The following OTOGL variants were observed in gnomAD, a reference collection of about 807,000 sequenced individuals.
OTOGL encodes otogelin like, also known as otogelin-like protein.
OTOGL carries 285 observed loss-of-function variants against 318.5 expected under a neutral mutation model. The ratio of observed to expected loss-of-function variants is 0.89; its 90% CI spans 0.81 to 0.99. The LOEUF (loss-of-function observed/expected upper bound fraction) is 0.99. Ranked by LOEUF, OTOGL falls within the 50% of genes least tolerant of loss-of-function variation. OTOGL has a pLI of 0.00. For synonymous variants in OTOGL, 987 were observed against 936.5 expected, an observed-to-expected ratio of 1.05 and a Z score of -0.99; for missense variants, 2,899 against 2,845.6, an observed-to-expected ratio of 1.02 and a Z score of -0.43.
intron 52 of OTOGL, among the ~76,000 whole-genome samples, chr12:80,360,276 C>G (rs1382810995): frequency 6.6e-6 from 1 of 151,936 alleles, no homozygotes; most frequent in Non-Finnish European, 1.5e-5. Flanking sequence ...TTTCCCTTTA[C>G]AAGTCTGACC....
chr12:80,117,597 TC>T (rs780901129), intron 1 of OTOGL, among the ~76,000 whole-genome samples: 1 of 152,192 alleles, frequency 6.6e-6, no homozygotes, highest in Non-Finnish European at 1.5e-5. Flanking sequence ...CAGAATAATC[TC>T]CTTAAAGCAT....
intron 1 of OTOGL, among the ~76,000 whole-genome samples, chr12:80,205,376 C>T (rs775938013): frequency 6.6e-5 from 10 of 152,116 alleles, no homozygotes; most frequent in Non-Finnish European, 1.0e-4. Flanking sequence ...AAACAAATGT[C>T]GCTATAAAAC....
At chr12:80,205,870 A>G (rs1028997335) in intron 1 of OTOGL, among the ~76,000 whole-genome samples, 2 of 152,194 alleles carry the variant, frequency 1.3e-5, no homozygotes, top group African/African-American at 2.4e-5. Context: ...CAAATATCCC[A>G]TTATTATCAT....
intron 1 of OTOGL, among the ~76,000 whole-genome samples, chr12:80,102,048 T>TTAA (rs1869170757): frequency 6.6e-6 from 1 of 152,200 alleles, no homozygotes; most frequent in Non-Finnish European, 1.5e-5. Context: ...CAGGCTTCTA[T>TTAA]TAATTCCAGA....
At position 80,143,980 on chromosome 12, in the gene OTOGL, G is replaced by C. The variant is rs146741563; in HGVS notation, c.-20+44375G>C. Reference sequence around the variant, plus strand: ...ACTCAGAAAATAACTTATTTGGCCAGAGAGATATATGTATATTCTTCTATG... The same window carrying C: ...ACTCAGAAAATAACTTATTTGGCCACAGAGATATATGTATATTCTTCTATG... On this transcript the variant is annotated intron_variant, in intron 1 of 58. Transcript: ENST00000547103. Among the ~76,000 whole-genome samples, 29 of 151,890 alleles carry C rather than the reference G, an allele frequency of 1.9e-4. No homozygotes were observed. The East Asian group carries it at 3.9e-3, about 20-fold the overall frequency.
chr12:80,358,346 T>C lies in OTOGL; in HGVS notation c.6118T>C (p.Cys2040Arg). 6.3e-7 allele frequency: 1 copy of C among 1,579,072 alleles called. No homozygotes were observed. Among genetic ancestry groups the C allele is most frequent in the Non-Finnish European group, 8.7e-7 (1 of 1,151,688 alleles). Residue 2040 changes from cysteine (C) to arginine (R), a missense_variant, in exon 50 of 59, where the codon TGT becomes CGT. Transcript: ENST00000547103. ...ACACTTCTGTTGTCCTCAGTATTAC[T>C]GTGGTAAGTGTATATTAACTATTCT... is the stretch of plus-strand genomic sequence containing the variant. ...STHFCCPQYYCVCEPNLCPMP... is the reference protein window; with the variant it reads ...STHFCCPQYYRVCEPNLCPMP...
intron 1 of OTOGL, among the ~76,000 whole-genome samples, chr12:80,121,917 A>G (rs1870510104): frequency 6.6e-6 from 1 of 152,210 alleles, no homozygotes. Flanking sequence ...AAATGCACAG[A>G]GAAATGCACA....
At chr12:80,331,240 A>G (rs886988539) in intron 37 of OTOGL, among the ~76,000 whole-genome samples, 2 of 151,914 alleles carry the variant, frequency 1.3e-5, no homozygotes, top group Admixed American at 1.3e-4. Flanking sequence ...CAGTTTGGCC[A>G]TTGTAAATCC....
chr12:80,103,598 A>C (rs546325639), intron 1 of OTOGL, among the ~76,000 whole-genome samples: 1 of 152,350 alleles, frequency 6.6e-6, no homozygotes, highest in South Asian at 2.1e-4. Flanking sequence ...ATAATTAGTT[A>C]TGTTGTGTGT....
intron 1 of OTOGL, among the ~76,000 whole-genome samples, chr12:80,164,471 A>C (rs1592509881): frequency 6.6e-6 from 1 of 152,024 alleles, no homozygotes; most frequent in Non-Finnish European, 1.5e-5. Context: ...CAGTTATTGT[A>C]GTTTGTGTTT....
rs899002704 is a variant in OTOGL at position 80,378,494 on chromosome 12, A to G, written c.*446A>G. 6.3e-6 allele frequency: 1 copy of G among 157,656 alleles called. No individual in the cohort carries two copies. The highest frequency in any genetic ancestry group is 2.4e-5 in the African/African-American group (1 of 41,490). The allele number at this position is 157,656 out of a possible 1,614,324, so 9.8% of individuals were successfully genotyped here. A position where few individuals can be genotyped will look rare whatever the true frequency, so the allele number is the denominator to read the frequency against. On this transcript the variant is annotated 3_prime_UTR_variant, in exon 59 of 59. Transcript: ENST00000547103. ...AGTTAAAATTGTCATCTAGATAGCA[A>G]TAAAGAGTGATATGCTTAGAGATAG...
chr12:80,373,100 A>G (rs1278235918), intron 57 of OTOGL, among the ~76,000 whole-genome samples: 2 of 152,166 alleles, frequency 1.3e-5, no homozygotes, highest in African/African-American at 4.8e-5. Flanking sequence ...GAAAATTAGC[A>G]TAGACAGTAA....
chr12:80,152,154 C>T (rs1378733156), intron 1 of OTOGL, among the ~76,000 whole-genome samples: 13 of 151,830 alleles, frequency 8.6e-5, no homozygotes, highest in Admixed American at 8.5e-4. Flanking sequence ...GGAATGGGGT[C>T]ACATGAGCAT....
At chr12:80,206,164 A>G (rs1455805725) in intron 1 of OTOGL, among the ~76,000 whole-genome samples, 1 of 152,210 alleles carries the variant, frequency 6.6e-6, no homozygotes, top group Non-Finnish European at 1.5e-5. Context: ...TGTCAATTAC[A>G]TTTTGACAGT....
At position 80,233,025 on chromosome 12, in the gene OTOGL, C is replaced by A. The variant is rs767599899; in HGVS notation, c.745C>A (p.His249Asn). Residue 249 changes from histidine to asparagine, a missense_variant, in exon 9 of 59, where the codon CAT becomes AAT. By Grantham distance (68) the His-to-Asn change is moderately conservative. Around this residue, in one of 3 missense-constraint regions of OTOGL, gnomAD observed 2,607 missense variants for 2,524.9 expected, o/e 1.03. Transcript: ENST00000547103. ...GATCTACCTCAAGCTGTCTGAGGAC[C>A]ATAAGGGGAAATCATGTGGCCTATG... ...SGIYLKLSED[H>N]KGKSCGLCGN... is the part of the protein sequence containing the mutation. 1 of 1,598,570 alleles carries A rather than the reference C, an allele frequency of 6.3e-7. No individual in the cohort carries two copies. The highest frequency in any genetic ancestry group is 1.1e-5 in the South Asian group (1 of 91,056).
intron 44 of OTOGL, 65 bp downstream of exon 44, chr12:80,342,227 G>A (rs367655181): frequency 2.2e-5 from 28 of 1,245,008 alleles, no homozygotes; most frequent in African/African-American, 1.8e-4. Flanking sequence ...AAGCCAATAC[G>A]TTACTGTTCT....
At chr12:80,376,954 TA>T (rs1370691767) in intron 57 of OTOGL, among the ~76,000 whole-genome samples, 168 bp from the exon 58 acceptor site, 1 of 151,932 alleles carries the variant, frequency 6.6e-6, no homozygotes, top group Non-Finnish European at 1.5e-5. Context: ...AAGGTGAAAA[TA>T]AATATTGCAC....
chr12:80,100,499 G>A (rs1049192664), intron 1 of OTOGL, among the ~76,000 whole-genome samples: 14 of 151,956 alleles, frequency 9.2e-5, no homozygotes, highest in Non-Finnish European at 1.3e-4. Flanking sequence ...TTTTAAAAAT[G>A]TAGTTTATAC....
rs1473022633 is a variant in OTOGL, at chr12:80,265,014, A to C, written c.2028A>C (p.Ala676=). 2 of 1,613,908 alleles carry C rather than the reference A, an allele frequency of 1.2e-6. No homozygotes were observed. The highest frequency in any genetic ancestry group is 1.7e-6 in the Non-Finnish European group (2 of 1,179,842). ...NINQQNIGYA[A]HCDVIHQELF... is the part of the protein sequence containing the mutation. ...GCTCTTTGTTAGTTGGGTATGCAGC[A>C]CACTGTGATGTCATCCACCAGGAGC... The change falls in exon 20 of 59, where the codon GCA becomes GCC. Residue 676 remains alanine, a synonymous_variant. Transcript: ENST00000547103.
Sources: allele counts gnomAD v4.1 joint callset (sites outside exome capture counted in the v4.1 genomes callset), GRCh38; gene constraint gnomAD v4.1.1; regional missense constraint gnomAD v4.1.1; transcripts MANE v1.5; gene names NCBI Gene and HGNC (gene_info 2026-07-23, HGNC 2026-07-21).